Variants in ASS1 observed in about 807,000 individuals in gnomAD.
ASS1 encodes the protein argininosuccinate synthase.
A neutral mutation model predicts 60.5 loss-of-function variants in ASS1; 58 were observed. The ratio of observed to expected loss-of-function variants is 0.96; its 90% CI spans 0.78 to 1.19. The LOEUF is 1.19. Ranked by LOEUF, ASS1 falls within the 50% of genes most tolerant of loss-of-function variation. ASS1 has a pLI of 0.00. For missense variants in ASS1, 454 were observed against 547.3 expected (o/e 0.83, Z 1.70); for synonymous variants, 200 against 206.9 (o/e 0.97, Z 0.29).
At position 130,482,528 on chromosome 9, in the gene ASS1, A is replaced by G. The variant is rs562496132; in HGVS notation, c.838+2079A>G. Among the ~76,000 whole-genome samples the G allele has an allele frequency of 3.3e-5, 5 of 151,908 alleles. No individual in the cohort carries two copies. In the East Asian group the frequency reaches 9.7e-4, roughly 30 times the overall value. ...GTGATGAAAGTGTATTGCCTTCCCT[A>G]TTGGAAAGATAAGGACTGGCCTGAA... is the stretch of plus-strand genomic sequence containing the variant. On this transcript the variant is annotated intron_variant, in intron 11 of 14. Transcript: ENST00000352480.
rs1845842180 is a variant in ASS1, at chr9:130,470,509, T to A, written c.496-325T>A. Reference sequence around the variant, plus strand: ...CTCGTAGGGTGGTGGCGGGGCTGGTTGGCTGGTGCCGGGAGACCTGGCTGG... The same window carrying A: ...CTCGTAGGGTGGTGGCGGGGCTGGTAGGCTGGTGCCGGGAGACCTGGCTGG... On this transcript the variant is annotated intron_variant, in intron 6 of 14. Transcript: ENST00000352480. The surrounding 1 kb of genome is among the most constrained non-coding windows in gnomAD (Gnocchi z 4.3). 6.6e-6 allele frequency among the ~76,000 whole-genome samples: 1 copy of A among 152,216 alleles called. No individual in the cohort carries two copies. Among genetic ancestry groups the A allele is most frequent in the Non-Finnish European group, 1.5e-5 (1 of 68,030 alleles).
intron 4 of ASS1, among the ~76,000 whole-genome samples, chr9:130,461,840 C>T (rs562413101): frequency 2.6e-5 from 4 of 152,302 alleles, no homozygotes; most frequent in South Asian, 4.1e-4. Flanking sequence ...CTGCCCCGGG[C>T]GCCATCACGG....
chr9:130,471,041 C>T, intron 7 of ASS1, 137 bp downstream of exon 7: 1 of 1,020,158 alleles, frequency 9.8e-7, no homozygotes. Context: ...TCAGGCAGGA[C>T]AGAGGTCGAA....
chr9:130,498,975 G>A (rs1846670876), intron 13 of ASS1, among the ~76,000 whole-genome samples: 1 of 152,198 alleles, frequency 6.6e-6, no homozygotes, highest in South Asian at 2.1e-4. Flanking sequence ...GGATGGATTA[G>A]GTAAGGTCTA....
chr9:130,494,723 C>T lies in ASS1; in HGVS notation c.971-144C>T, dbSNP rs114867341. On this transcript the variant is annotated intron_variant, in intron 12 of 14. Transcript: ENST00000352480. The surrounding 1 kb of genome is among the most constrained non-coding windows in gnomAD (Gnocchi z 4.3). ...GGTCCTCAACTCAGCCACTGGCAAG[C>T]GCACATTGTGCCAGTCTCGCGGGAG... 1,172 of 1,075,280 alleles carry T rather than the reference C, an allele frequency of 1.1e-3. 7 individuals carry two copies. The African/African-American group carries it at 0.015, about 14-fold the overall frequency. The allele number at this position is 1,075,280 out of a possible 1,614,324, so 66.6% of individuals were successfully genotyped here. A position where few individuals can be genotyped will look rare whatever the true frequency, so the allele number is the denominator to read the frequency against.
At chr9:130,496,837 G>T (rs951791932) in intron 13 of ASS1, among the ~76,000 whole-genome samples, 1 of 152,238 alleles carries the variant, frequency 6.6e-6, no homozygotes, top group Non-Finnish European at 1.5e-5. Flanking sequence ...GATGGGGCAG[G>T]CCCCTGTGGG....
In ASS1 at chr9:130,448,101, C is replaced by A. The variant is rs542160721; in HGVS notation, c.-6+3106C>A. ...GTTCCTTCTCTCCCTGTCACTTCCT[C>A]CCCCGACATCAAACCCTCAGTTTCA... On this transcript the variant is annotated intron_variant, in intron 1 of 14. Transcript: ENST00000352480. Among the ~76,000 whole-genome samples the A allele has an allele frequency of 2.1e-4, 32 of 152,044 alleles. No individual in the cohort carries two copies. The South Asian group carries it at 4.6e-3, about 22-fold the overall frequency.
chr9:130,492,154 G>A (rs936903963), intron 12 of ASS1, among the ~76,000 whole-genome samples: 1 of 152,206 alleles, frequency 6.6e-6, no homozygotes, highest in African/African-American at 2.4e-5. Context: ...GCGAGCGCCC[G>A]GCGTGGTTTC....
intron 8 of ASS1, among the ~76,000 whole-genome samples, chr9:130,472,798 A>G (rs1845901560): frequency 1.3e-5 from 2 of 152,178 alleles, no homozygotes. Context: ...CCGAGCCTGC[A>G]GGGTGGCTTC....
rs369793799 is a variant in ASS1 at position 130,482,502 on chromosome 9, C to T, written c.838+2053C>T. On this transcript the variant is annotated intron_variant, in intron 11 of 14. Coordinates refer to ENST00000352480, the MANE Select transcript of ASS1 (RefSeq NM_054012.4). ...CTACCAAATGATCAGGATTGGCATA[C>T]GTGATGAAAGTGTATTGCCTTCCCT... 5.3e-5 allele frequency among the ~76,000 whole-genome samples: 8 copies of T among 151,690 alleles called. No individual in the cohort carries two copies. In the East Asian group the frequency reaches 7.8e-4, roughly 15 times the overall value.
Position 130,488,615 on chromosome 9 carries a change from A to G in ASS1, c.839-718A>G, listed in dbSNP as rs777100893. Among the ~76,000 whole-genome samples the G allele has an allele frequency of 6.4e-4, 98 of 152,228 alleles. No individual in the cohort carries two copies. The highest frequency in any genetic ancestry group is 3.5e-4 in the Non-Finnish European group (24 of 68,034). On this transcript the variant is annotated intron_variant, in intron 11 of 14. Coordinates refer to ENST00000352480, the MANE Select transcript of ASS1 (RefSeq NM_054012.4). The surrounding 1 kb of genome is among the most constrained non-coding windows in gnomAD (Gnocchi z 5.2). ...AAATGGAGGGACTGGGCCTGAGGTC[A>G]CAAGAGGGGACTTGAGCAATCCCTT...
chr9:130,489,433 G>C lies in ASS1; in HGVS notation c.939G>C (p.Leu313=), dbSNP rs2118864322. Residue 313 remains leucine (L), a synonymous_variant, in exon 12 of 15, where the codon CTG becomes CTC. Transcript: ENST00000352480. This position sits in a 1 kb window ranked among gnomAD's most constrained non-coding sequence, Gnocchi z 4.1. The stretch of plus-strand genomic sequence containing the variant: ...AAGTGCGCAAAATCAAACAAGGCCT[G>C]GGCTTGAAATTTGCTGAGCTGGTGT... ...DREVRKIKQG[L]GLKFAELVYT... The C allele has an allele frequency of 6.2e-7, 1 of 1,614,086 alleles. No individual in the cohort carries two copies.
At chr9:130,500,922 T>G in intron 14 of ASS1, 54 bp from the exon 15 acceptor site, 2 of 1,563,004 alleles carry the variant, frequency 1.3e-6, no homozygotes, top group African/African-American at 1.4e-5. Context: ...TTGAACCCAG[T>G]GTGTGTTGTT....
intron 11 of ASS1, among the ~76,000 whole-genome samples, chr9:130,480,773 C>T (rs968882407): frequency 3.9e-5 from 6 of 152,144 alleles, no homozygotes; most frequent in Non-Finnish European, 8.8e-5. Flanking sequence ...GTGGGCAGGC[C>T]GGGTGTGGAG....
Position 130,458,548 on chromosome 9 carries a change from C to A in ASS1, c.322C>A (p.Arg108=), listed in dbSNP as rs143405567. The A allele has an allele frequency of 4.3e-6, 7 of 1,613,172 alleles. 1 individual carries two copies. The South Asian group carries it at 6.6e-5, about 15-fold the overall frequency. The change falls in exon 4 of 15, where the codon CGG becomes AGG. Residue 108 remains arginine (R), a synonymous_variant. Coordinates refer to ENST00000352480, the MANE Select transcript of ASS1 (RefSeq NM_054012.4). The stretch of plus-strand genomic sequence containing the variant: ...CCGCAAACAAGTGGAAATCGCCCAG[C>A]GGGAGGGGGCCAAGTATGTGTCCCA... ...IARKQVEIAQ[R]EGAKYVSHGA...
At chr9:130,496,163 G>A (rs1223906131) in intron 13 of ASS1, among the ~76,000 whole-genome samples, 1 of 152,132 alleles carries the variant, frequency 6.6e-6, no homozygotes, top group Non-Finnish European at 1.5e-5. Flanking sequence ...GTGCACACCT[G>A]TAATCCCAAC....
chr9:130,469,016 C>G (rs1232392551), intron 6 of ASS1, among the ~76,000 whole-genome samples: 2 of 152,250 alleles, frequency 1.3e-5, no homozygotes, highest in African/African-American at 4.8e-5. Flanking sequence ...GCCCTTTAGC[C>G]TCTCCTTGCT....
intron 2 of ASS1, 101 bp downstream of exon 2, chr9:130,452,434 C>A (rs976781679): frequency 4.9e-6 from 5 of 1,026,092 alleles, no homozygotes; most frequent in African/African-American, 1.6e-5. Flanking sequence ...GTCTGCTCAC[C>A]GTCACTCATT....
intron 12 of ASS1, among the ~76,000 whole-genome samples, chr9:130,493,210 A>G (rs1288201825): frequency 6.6e-6 from 1 of 151,994 alleles, no homozygotes; most frequent in Non-Finnish European, 1.5e-5. Context: ...GGCTCTTCCA[A>G]AGTCTTGCTG....
Sources: allele counts gnomAD v4.1 joint callset (sites outside exome capture counted in the v4.1 genomes callset), GRCh38; gene constraint gnomAD v4.1.1; non-coding constraint Gnocchi (gnomAD v3.1); transcripts MANE v1.5; gene names NCBI Gene and HGNC (gene_info 2026-07-23, HGNC 2026-07-21).